The following ESR1 variants were observed in gnomAD, a reference collection of about 807,000 sequenced individuals.
ESR1 encodes the protein estrogen receptor.
ESR1 carries 12 observed loss-of-function variants against 52.7 expected under a neutral mutation model. That is an observed-to-expected ratio of 0.23 (90% CI 0.15 to 0.37). ESR1 has a LOEUF of 0.37. Among genes scored for constraint, ESR1 ranks in the 10% least tolerant of loss-of-function variants. ESR1 has a pLI of 1.00. For missense variants in ESR1, 584 were observed against 779.7 expected, an observed-to-expected ratio of 0.75 and a Z score of 2.99; for synonymous variants, 305 against 316.8, an observed-to-expected ratio of 0.96 and a Z score of 0.39.
chr6:152,063,328 G>A (rs1457893713), intron 6 of ESR1, among the ~76,000 whole-genome samples: 2 of 152,172 alleles, frequency 1.3e-5, no homozygotes, highest in East Asian at 3.9e-4. Flanking sequence ...ACAGCGGCTG[G>A]CAGCTCCTCT....
intron 2 of ESR1, among the ~76,000 whole-genome samples, chr6:151,713,981 C>T (rs1418268000): frequency 2.0e-5 from 3 of 152,178 alleles, no homozygotes; most frequent in Non-Finnish European, 4.4e-5. Flanking sequence ...GCATTTAGTG[C>T]TATAAATTTC....
chr6:152,060,943 T>G (rs2128957322), intron 5 of ESR1, 48 bp from the exon 6 acceptor site: 1 of 1,464,548 alleles, frequency 6.8e-7, no homozygotes. Flanking sequence ...AGATTTTCTG[T>G]TTTTTAATCT....
chr6:151,991,998 A>G (rs973031487), intron 4 of ESR1, among the ~76,000 whole-genome samples: 2 of 152,054 alleles, frequency 1.3e-5, no homozygotes, highest in Middle Eastern at 3.2e-3. Flanking sequence ...CCCTGACACC[A>G]GGCTGAGTCT....
intron 4 of ESR1, among the ~76,000 whole-genome samples, chr6:152,004,537 C>T (rs1034164990): frequency 1.3e-5 from 2 of 152,004 alleles, no homozygotes; most frequent in Admixed American, 6.6e-5. Flanking sequence ...AGGCCTTCTA[C>T]TGGTTTTTAT....
rs546432833 is a variant in ESR1, at chr6:151,657,350, T to C, written n.73+587T>C. 1.2e-4 allele frequency among the ~76,000 whole-genome samples: 19 copies of C among 152,352 alleles called. No individual in the cohort carries two copies. The South Asian group carries it at 3.7e-3, about 30-fold the overall frequency. ...ATTAAAATTAAAATTTTAGTCATTGTAAATTACATTACATTATAATAGTTT... is the reference window on the plus strand; with the variant it reads ...ATTAAAATTAAAATTTTAGTCATTGCAAATTACATTACATTATAATAGTTT... On this transcript the variant is annotated intron_variant and non_coding_transcript_variant, in intron 1 of 2. Transcript: ENST00000473497.
At chr6:151,701,979 T>A (rs1193157989) in exon 2 of ESR1, 1 of 152,244 alleles carries the variant, frequency 6.6e-6, no homozygotes, top group Non-Finnish European at 1.5e-5. Flanking sequence ...ATGTAGATTT[T>A]AATCTGAACT....
chr6:151,929,016 G>T (rs932156034), intron 3 of ESR1, among the ~76,000 whole-genome samples: 10 of 152,168 alleles, frequency 6.6e-5, no homozygotes, highest in Non-Finnish European at 1.0e-4. Context: ...AACTTGAGAA[G>T]AATGTGTATT....
At chr6:151,934,044 A>G (rs1344395256) in intron 3 of ESR1, among the ~76,000 whole-genome samples, 2 of 152,184 alleles carry the variant, frequency 1.3e-5, no homozygotes, top group African/African-American at 2.4e-5. Context: ...AGTATAATGC[A>G]AAGCTCTCAC....
At chr6:152,003,185 A>G (rs1013712227) in intron 4 of ESR1, among the ~76,000 whole-genome samples, 1 of 151,732 alleles carries the variant, frequency 6.6e-6, no homozygotes, top group African/African-American at 2.4e-5. Context: ...TTTTTTTGTG[A>G]TCCCCAAGTC....
chr6:151,769,482 T>G (rs1330160326), intron 2 of ESR1, among the ~76,000 whole-genome samples: 1 of 152,112 alleles, frequency 6.6e-6, no homozygotes, highest in Non-Finnish European at 1.5e-5. Flanking sequence ...AGGGGAAAGT[T>G]AAAGTGGAGT....
At chr6:151,750,277 C>T (rs1783803484) in intron 2 of ESR1, among the ~76,000 whole-genome samples, 1 of 152,096 alleles carries the variant, frequency 6.6e-6, no homozygotes, top group African/African-American at 2.4e-5. Flanking sequence ...CAAACGTTTT[C>T]CAGAAAGCAA....
At chr6:152,077,515 A>G (rs898974670) in intron 6 of ESR1, among the ~76,000 whole-genome samples, 1 of 152,142 alleles carries the variant, frequency 6.6e-6, no homozygotes, top group Non-Finnish European at 1.5e-5. Flanking sequence ...AGAATAGTAG[A>G]TCCACTGACA....
At chr6:151,911,298 C>T (rs1011071592) in intron 3 of ESR1, among the ~76,000 whole-genome samples, 10 of 152,142 alleles carry the variant, frequency 6.6e-5, no homozygotes, top group African/African-American at 1.7e-4. Context: ...GGCTATCCGT[C>T]GTGCTAACCA....
intron 6 of ESR1, among the ~76,000 whole-genome samples, chr6:152,111,972 C>T (rs2051151806): frequency 6.6e-6 from 1 of 152,152 alleles, no homozygotes; most frequent in African/African-American, 2.4e-5. Flanking sequence ...TTTTAAACAC[C>T]CTTTAACAAT....
rs2050917889 is a variant in ESR1 at position 152,100,284 on chromosome 6, G to A, written c.*1318G>A. The A allele has an allele frequency of 2.5e-6, 1 of 392,516 alleles. No individual in the cohort carries two copies. 24.3% of individuals were successfully genotyped at this position (392,516 alleles called of 1,614,324 possible). A position where few individuals can be genotyped will look rare whatever the true frequency, so the allele number is the denominator to read the frequency against. On this transcript the variant is annotated 3_prime_UTR_variant, in exon 8 of 8. Transcript: ENST00000206249. ...TGGCCCAGCACCCTGGGGCACGGGA[G>A]AAGGGTGGGGACCGTTGCTGTCACT...
At chr6:151,806,530 G>GTATATATA (rs56020486), upstream of ESR1, among the ~76,000 whole-genome samples, 1,474 of 96,380 alleles carry the variant, frequency 0.015, 60 homozygotes, top group East Asian at 0.054. Context: ...TCCTTAATAT[G>GTATATATA]TATATATATA....
At chr6:152,082,590 A>G (rs994482646) in intron 6 of ESR1, among the ~76,000 whole-genome samples, 10 of 152,218 alleles carry the variant, frequency 6.6e-5, no homozygotes, top group African/African-American at 9.6e-5. Flanking sequence ...CCTATTCAAC[A>G]TAGTGTTGGA....
At chr6:151,700,805 T>C (rs964052342) in intron 1 of ESR1, among the ~76,000 whole-genome samples, 8 of 151,894 alleles carry the variant, frequency 5.3e-5, no homozygotes, top group African/African-American at 1.5e-4. Flanking sequence ...CAAGTTTTTT[T>C]CCCCCACTCT....
At chr6:151,853,168 T>TA in intron 2 of ESR1, among the ~76,000 whole-genome samples, 1 of 7,252 alleles carries the variant, frequency 1.4e-4, no homozygotes, top group East Asian at 3.4e-3. Context: ...GAGACTCGTC[T>TA]CAAAAAAAAA....
Sources: gnomAD v4.1 joint callset for allele counts (sites outside exome capture counted in the v4.1 genomes callset) on GRCh38, gnomAD v4.1.1 for gene constraint, MANE v1.5 for transcripts, NCBI Gene and HGNC (gene_info 2026-07-23, HGNC 2026-07-21) for gene names.